The following ROPN1 variants were observed in gnomAD, a reference collection of about 807,000 sequenced individuals.
ROPN1 encodes ropporin-1A.
In ROPN1, 14 loss-of-function variants were observed where a neutral mutation model predicts 20.5. The ratio of observed to expected loss-of-function variants is 0.68; its 90% confidence interval spans 0.45 to 1.07. ROPN1 has a LOEUF of 1.07. Ranked by LOEUF, ROPN1 falls within the 50% of genes least tolerant of loss-of-function variation. The probability of loss-of-function intolerance (pLI) is 0.00; values close to 1 mark genes in which losing one functional copy is unlikely to be tolerated. For missense variants in ROPN1, 169 were observed against 242.8 expected (o/e 0.70, Z 2.02); for synonymous variants, 76 against 95.7 (o/e 0.79, Z 1.20).
intron 3 of ROPN1, among the ~76,000 whole-genome samples, chr3:123,976,326 T>C (rs1405504726): frequency 6.6e-6 from 1 of 152,210 alleles, no homozygotes; most frequent in African/African-American, 2.4e-5. Context: ...GGTTTGGTGG[T>C]GCTCAACCAT....
chr3:123,984,888 T>C (rs2038220093), intron 1 of ROPN1, among the ~76,000 whole-genome samples: 1 of 152,244 alleles, frequency 6.6e-6, no homozygotes, highest in South Asian at 2.1e-4. Context: ...TTTCATCTGC[T>C]TAAACCCTAT....
rs2038016529 is a variant in ROPN1, at chr3:123,976,105, G to A, written c.235-565C>T. Reference sequence around the variant, plus strand: ...CCCAGGTATTTTAGAGCTCTGTCATGTTCACTGCACAAGGTACTTGGTGGA... The same window carrying A: ...CCCAGGTATTTTAGAGCTCTGTCATATTCACTGCACAAGGTACTTGGTGGA... On this transcript the variant is annotated intron_variant, in intron 3 of 5. Coordinates refer to ENST00000405845, the MANE Select transcript of ROPN1 (RefSeq NM_001317774.2). 3.9e-5 allele frequency among the ~76,000 whole-genome samples: 6 copies of A among 152,264 alleles called. No homozygotes were observed. In the South Asian group the frequency reaches 1.2e-3, roughly 32 times the overall value.
chr3:123,977,912 G>A (rs1266176781), intron 2 of ROPN1, among the ~76,000 whole-genome samples: 15 of 152,122 alleles, frequency 9.9e-5, no homozygotes, highest in Admixed American at 8.5e-4. Flanking sequence ...GACATGAGCC[G>A]CTGACATGTG....
intron 1 of ROPN1, among the ~76,000 whole-genome samples, chr3:123,986,473 G>A (rs1007637590): frequency 1.3e-5 from 2 of 152,026 alleles, no homozygotes; most frequent in Admixed American, 6.5e-5. Flanking sequence ...ATGGGGGTGG[G>A]GTGCTGGCCG....
intron 5 of ROPN1, 51 bp downstream of exon 5, chr3:123,969,991 G>T: frequency 6.3e-7 from 1 of 1,579,650 alleles, no homozygotes. Context: ...TGGCCAGCTA[G>T]ATTTCTTTTC....
At chr3:123,969,602 G>C (rs529779046) in intron 5 of ROPN1, among the ~76,000 whole-genome samples, 1 of 152,142 alleles carries the variant, frequency 6.6e-6, no homozygotes, top group African/African-American at 2.4e-5. Flanking sequence ...CGCCATGACC[G>C]GCCCTCTTTT....
At chr3:123,969,935 T>C in intron 5 of ROPN1, 107 bp downstream of exon 5, 1 of 1,085,104 alleles carries the variant, frequency 9.2e-7, no homozygotes, top group Non-Finnish European at 1.3e-6. Flanking sequence ...TTTCTCACAA[T>C]ACTTTTCTGT....
At chr3:123,984,559 G>A (rs755113162) in intron 1 of ROPN1, among the ~76,000 whole-genome samples, 1 of 152,120 alleles carries the variant, frequency 6.6e-6, no homozygotes, top group Non-Finnish European at 1.5e-5. Flanking sequence ...TCTCTGGCCT[G>A]TCCTGTTCAG....
At chr3:123,988,528 A>G (rs2038322354) in intron 1 of ROPN1, among the ~76,000 whole-genome samples, 5 of 152,178 alleles carry the variant, frequency 3.3e-5, no homozygotes. Context: ...AGTTTCCATT[A>G]CCATTCCTGA....
intron 4 of ROPN1, chr3:123,974,738 A>G (rs1365563192): frequency 1.9e-5 from 3 of 154,332 alleles, no homozygotes; most frequent in Admixed American, 6.3e-5. Context: ...AAGTCCACAT[A>G]TAAGATACCC....
chr3:123,976,976 A>G lies in ROPN1; in HGVS notation c.122T>C (p.Phe41Ser), dbSNP rs773988233. Residue 41 changes from phenylalanine to serine, a missense_variant, in exon 3 of 6, where the codon TTT becomes TCT. Around this residue, in one of 3 missense-constraint regions of ROPN1, gnomAD observed 84 missense variants for 99.3 expected, o/e 0.85. Coordinates refer to ENST00000405845, the MANE Select transcript of ROPN1 (RefSeq NM_001317774.2). Reference sequence around the variant, plus strand: ...CGTCTCTCCACGGGACAGGGCCTCAAAATAACTACAAGAAAAAAAGTCAGA... The same window carrying G: ...CGTCTCTCCACGGGACAGGGCCTCAGAATAACTACAAGAAAAAAAGTCAGA... ...QDLIQWAADY[F>S]EALSRGETPP... The G allele has an allele frequency of 1.2e-6, 2 of 1,611,136 alleles. No individual in the cohort carries two copies. The highest frequency in any genetic ancestry group is 2.2e-5 in the South Asian group (2 of 90,754).
chr3:123,980,150 A>G, intron 2 of ROPN1: 1 of 596,712 alleles, frequency 1.7e-6, no homozygotes, highest in South Asian at 2.1e-5. Context: ...CTACTGCTCA[A>G]TCTGGCTCCC....
intron 1 of ROPN1, among the ~76,000 whole-genome samples, chr3:123,987,811 A>G (rs1405806396): frequency 6.6e-6 from 1 of 152,250 alleles, no homozygotes; most frequent in Non-Finnish European, 1.5e-5. Context: ...CTTATATATC[A>G]TGCTAGTATT....
At chr3:123,986,018 A>AAAAAAAT (rs201340337) in intron 1 of ROPN1, among the ~76,000 whole-genome samples, 6,718 of 93,684 alleles carry the variant, frequency 0.072, 1,890 homozygotes, top group Non-Finnish European at 0.097. Context: ...AAAAAAAAAA[A>AAAAAAAT]TCAAAATATT....
At position 123,981,788 on chromosome 3, in the gene ROPN1, A is replaced by T. The variant is rs529973519; in HGVS notation, c.-12-1295T>A. Among the ~76,000 whole-genome samples, 10 of 152,338 alleles carry T rather than the reference A, an allele frequency of 6.6e-5. No homozygotes were observed. The East Asian group carries it at 1.9e-3, about 29-fold the overall frequency. Reference sequence around the variant, plus strand: ...ATTTATGTTCTTTTATTTGGAGGAAAAAGAGGATAAAATAATGATTAATTT... The same window carrying T: ...ATTTATGTTCTTTTATTTGGAGGAATAAGAGGATAAAATAATGATTAATTT... On this transcript the variant is annotated intron_variant, in intron 1 of 5. Coordinates refer to ENST00000405845, the MANE Select transcript of ROPN1 (RefSeq NM_001317774.2).
intron 4 of ROPN1, among the ~76,000 whole-genome samples, chr3:123,970,493 T>A (rs191244675): frequency 6.6e-6 from 1 of 152,336 alleles, no homozygotes; most frequent in East Asian, 1.9e-4. Flanking sequence ...AGATATTTGT[T>A]ACTTTAGCCC....
chr3:123,986,273 A>G (rs1432308358), intron 1 of ROPN1, among the ~76,000 whole-genome samples: 1 of 151,496 alleles, frequency 6.6e-6, no homozygotes, highest in Non-Finnish European at 1.5e-5. Flanking sequence ...ACTTTCCATC[A>G]TAAAAGGTAA....
At chr3:123,985,041 C>T (rs1238737093) in intron 1 of ROPN1, among the ~76,000 whole-genome samples, 1 of 152,194 alleles carries the variant, frequency 6.6e-6, no homozygotes, top group Admixed American at 6.5e-5. Flanking sequence ...CCACTAGAGG[C>T]CATGGCAGAA....
At chr3:123,978,671 C>T (rs1408486841) in intron 2 of ROPN1, 3 of 153,532 alleles carry the variant, frequency 2.0e-5, no homozygotes, top group Admixed American at 6.5e-5. Context: ...GGATTAAAAA[C>T]GTATTTTGTC....
Sources: gnomAD v4.1 joint callset for allele counts (sites outside exome capture counted in the v4.1 genomes callset) on GRCh38, gnomAD v4.1.1 for gene constraint, gnomAD v4.1.1 regional missense constraint, MANE v1.5 for transcripts, NCBI Gene and HGNC (gene_info 2026-07-23, HGNC 2026-07-21) for gene names.